The following CLDN18 variants were observed in gnomAD, a reference collection of about 807,000 sequenced individuals.
CLDN18 encodes the protein claudin 18, also known as claudin-18.
CLDN18 carries 20 observed loss-of-function variants against 25.0 expected under a neutral mutation model. The ratio of observed to expected loss-of-function variants is 0.80; its 90% CI spans 0.56 to 1.16. The LOEUF (loss-of-function observed/expected upper bound fraction) is 1.16, where lower values mean the gene tolerates loss of function less well. Among genes scored for constraint, CLDN18 ranks in the 50% most tolerant of loss-of-function variants. The pLI is 0.00. For synonymous variants in CLDN18, 125 were observed against 135.6 expected, an observed-to-expected ratio of 0.92 and a Z score of 0.54; for missense variants, 297 against 345.4, an observed-to-expected ratio of 0.86 and a Z score of 1.11.
chr3:138,024,857 A>G (rs1231998944), intron 3 of CLDN18, 133 bp downstream of exon 3: 4 of 588,632 alleles, frequency 6.8e-6, no homozygotes, highest in Non-Finnish European at 9.2e-6. Flanking sequence ...ATGCCATATC[A>G]TAAATCAACA....
exon 1 of CLDN18, chr3:137,998,905 G>A (rs985888743): frequency 1.2e-6 from 2 of 1,614,244 alleles, no homozygotes; most frequent in African/African-American, 1.3e-5. Context: ...GGGGTTCGTG[G>A]TTTCACTGAT....
intron 1 of CLDN18, among the ~76,000 whole-genome samples, chr3:138,014,002 G>A (rs573782537): frequency 4.0e-5 from 6 of 151,880 alleles, no homozygotes; most frequent in South Asian, 2.1e-4. Flanking sequence ...GGGTGGGGGC[G>A]GAAAGCACAT....
rs778053973 is a variant in CLDN18, at chr3:138,029,812, G to A, written c.519G>A (p.Ala173=). The A allele has an allele frequency of 2.2e-5, 34 of 1,578,814 alleles. No individual in the cohort carries two copies. The highest frequency in any genetic ancestry group is 3.5e-5 in the South Asian group (3 of 85,078). The stretch of plus-strand genomic sequence containing the variant: ...CCCTACCCAGGTACACATTTGGTGC[G>A]GCTCTGTTCGTGGGCTGGGTCGCTG... The part of the protein sequence containing the change: ...QTVQTRYTFG[A]ALFVGWVAGG... The change falls in exon 4 of 5, where the codon GCG becomes GCA. Residue 173 remains alanine (A), a synonymous_variant. Transcript: ENST00000183605.
At chr3:138,016,317 T>C (rs1191446113) in intron 1 of CLDN18, among the ~76,000 whole-genome samples, 1 of 152,152 alleles carries the variant, frequency 6.6e-6, no homozygotes, top group Non-Finnish European at 1.5e-5. Flanking sequence ...ATGGGCTGCC[T>C]TTAGAATTGA....
At chr3:138,008,582 G>A (rs143395221), upstream of CLDN18, among the ~76,000 whole-genome samples, 144 of 150,852 alleles carry the variant, frequency 9.5e-4, no homozygotes, top group African/African-American at 3.3e-3. Context: ...CAGCCTGGGC[G>A]ACAGAGTGAG....
chr3:138,007,485 C>T (rs1559803626), upstream of CLDN18, among the ~76,000 whole-genome samples: 1 of 141,994 alleles, frequency 7.0e-6, no homozygotes, highest in Admixed American at 7.6e-5. Flanking sequence ...TAAGTGGGAG[C>T]TGAACAATGA....
chr3:138,019,862 C>G (rs1942251967), intron 1 of CLDN18, among the ~76,000 whole-genome samples: 1 of 152,180 alleles, frequency 6.6e-6, no homozygotes, highest in East Asian at 1.9e-4. Flanking sequence ...TTGCTTCTTT[C>G]AGCCCTGAAT....
chr3:138,019,943 G>A (rs934649233), intron 1 of CLDN18, among the ~76,000 whole-genome samples: 6 of 152,218 alleles, frequency 3.9e-5, no homozygotes, highest in African/African-American at 1.4e-4. Flanking sequence ...CACCTTTGGT[G>A]CAGGGAATCA....
chr3:138,006,663 G>A (rs115386058), upstream of CLDN18, among the ~76,000 whole-genome samples: 1,262 of 152,170 alleles, frequency 8.3e-3, 20 homozygotes, highest in African/African-American at 0.026. Context: ...TGGCAGATAC[G>A]GCTAAAATAG....
At chr3:138,009,625 C>T (rs189637414), upstream of CLDN18, among the ~76,000 whole-genome samples, 305 of 152,264 alleles carry the variant, frequency 2.0e-3, 2 homozygotes, top group African/African-American at 6.6e-3. Flanking sequence ...GGCACTGGGA[C>T]AAGTCCCTTA....
intron 2 of CLDN18, among the ~76,000 whole-genome samples, chr3:138,024,102 G>C (rs1030365149): frequency 1.2e-4 from 18 of 151,850 alleles, no homozygotes; most frequent in African/African-American, 4.4e-4. Context: ...CTTGAGTCCG[G>C]GAGTTCAAGA....
chr3:138,023,525 T>G lies in CLDN18; in HGVS notation c.221-133T>G, dbSNP rs1392548597. The G allele has an allele frequency of 5.3e-6, 4 of 754,972 alleles. No homozygotes were observed. The East Asian group carries it at 7.8e-5, about 15-fold the overall frequency. 46.8% of individuals were successfully genotyped at this position (754,972 alleles called of 1,614,324 possible). A position where few individuals can be genotyped will look rare whatever the true frequency, so the allele number is the denominator to read the frequency against. ...CTTTGACAATGGCAAGGTTCACAGTTTATGGACTTTGCTGTCTCTCAGAGG... is the reference window on the plus strand; with the variant it reads ...CTTTGACAATGGCAAGGTTCACAGTGTATGGACTTTGCTGTCTCTCAGAGG... On this transcript the variant is annotated intron_variant, in intron 1 of 4. Transcript: ENST00000183605.
chr3:138,019,494 T>G (rs1158988207), intron 1 of CLDN18, among the ~76,000 whole-genome samples: 1 of 152,214 alleles, frequency 6.6e-6, no homozygotes, highest in Admixed American at 6.5e-5. Flanking sequence ...GTCCAGGCCT[T>G]TGGCTGCTGG....
intron 1 of CLDN18, among the ~76,000 whole-genome samples, chr3:138,017,359 C>G (rs187553831): frequency 1.0e-3 from 153 of 152,252 alleles, no homozygotes; most frequent in Admixed American, 4.4e-3. Flanking sequence ...ATATGACTAT[C>G]TACATTTTCC....
intron 1 of CLDN18, among the ~76,000 whole-genome samples, chr3:138,001,078 G>A (rs1487307555): frequency 6.6e-6 from 1 of 152,258 alleles, no homozygotes. Context: ...CACCTTGTTA[G>A]TTTGGTACTA....
At chr3:138,018,406 G>A (rs1338938446) in intron 1 of CLDN18, among the ~76,000 whole-genome samples, 1 of 146,308 alleles carries the variant, frequency 6.8e-6, no homozygotes, top group Non-Finnish European at 1.5e-5. Flanking sequence ...GCGGGATCTC[G>A]GCTCACTGCA....
intron 1 of CLDN18, chr3:137,999,202 G>A (rs1471263224): frequency 2.2e-6 from 2 of 921,872 alleles, no homozygotes; most frequent in Non-Finnish European, 3.4e-6. Flanking sequence ...ACTGCGATTC[G>A]TGTTTGACAG....
intron 1 of CLDN18, among the ~76,000 whole-genome samples, chr3:138,003,623 AC>A (rs975434132): frequency 6.6e-6 from 1 of 152,220 alleles, no homozygotes; most frequent in Non-Finnish European, 1.5e-5. Context: ...AGTTTTACTA[AC>A]AAATTGTTTA....
intron 1 of CLDN18, among the ~76,000 whole-genome samples, chr3:138,001,563 G>C (rs1481602268): frequency 1.3e-5 from 2 of 152,056 alleles, no homozygotes; most frequent in African/African-American, 4.8e-5. Context: ...GGAGATGGAG[G>C]CTCAGAGGAG....
Sources: allele counts gnomAD v4.1 joint callset (sites outside exome capture counted in the v4.1 genomes callset), GRCh38; gene constraint gnomAD v4.1.1; transcripts MANE v1.5; gene names NCBI Gene and HGNC (gene_info 2026-07-23, HGNC 2026-07-21).